Variants in DIP2C observed in about 807,000 individuals in gnomAD.
The protein encoded by DIP2C is DIP2 acetate--CoA ligase C (putative), also known as disco-interacting protein 2 homolog C.
In DIP2C, 33 loss-of-function variants were observed where a neutral mutation model predicts 192.4. That is an observed-to-expected ratio of 0.17 (90% CI 0.13 to 0.23). DIP2C has a LOEUF of 0.23. Among genes scored for constraint, DIP2C ranks in the 10% least tolerant of loss-of-function variants. DIP2C has a pLI of 1.00. For missense variants in DIP2C, 1,537 were observed against 2,110.1 expected (o/e 0.73, Z 5.32); for synonymous variants, 979 against 864.1 (o/e 1.13, Z -2.33).
At chr10:512,409 T>C (rs1408163804) in intron 1 of DIP2C, among the ~76,000 whole-genome samples, 4 of 150,954 alleles carry the variant, frequency 2.6e-5, no homozygotes, top group African/African-American at 9.7e-5. Flanking sequence ...AAATAAAAAA[T>C]AAAAATAAAA....
At chr10:624,640 G>A (rs934894011) in intron 1 of DIP2C, among the ~76,000 whole-genome samples, 3 of 152,188 alleles carry the variant, frequency 2.0e-5, no homozygotes, top group African/African-American at 4.8e-5. Flanking sequence ...AAAGTCCCAC[G>A]GAGGAGGCGA....
At chr10:352,367 G>A (rs1052158184) in intron 24 of DIP2C, among the ~76,000 whole-genome samples, 3 of 152,216 alleles carry the variant, frequency 2.0e-5, no homozygotes, top group Non-Finnish European at 4.4e-5. Flanking sequence ...TGATAACCCT[G>A]TGAAACACAA....
At chr10:654,878 C>G (rs927713281) in intron 1 of DIP2C, among the ~76,000 whole-genome samples, 1 of 152,174 alleles carries the variant, frequency 6.6e-6, no homozygotes, top group Admixed American at 6.5e-5. Flanking sequence ...CCATTCTCTA[C>G]GATACAATAT....
Position 431,251 on chromosome 10 carries a change from G to A in DIP2C, c.395-8218C>T, listed in dbSNP as rs572703305. Among the ~76,000 whole-genome samples the A allele has an allele frequency of 9.9e-5, 15 of 152,142 alleles. No homozygotes were observed. The South Asian group carries it at 1.7e-3, about 17-fold the overall frequency. ...TGTGTTGATATTGAAAAAAAAACTC[G>A]TTCGGATGTTGGTTGGGACTGCATT... is the stretch of plus-strand genomic sequence containing the variant. On this transcript the variant is annotated intron_variant, in intron 4 of 36. Coordinates refer to ENST00000280886, the MANE Select transcript of DIP2C (RefSeq NM_014974.3).
chr10:628,996 T>C (rs1278601067), intron 1 of DIP2C: 3 of 152,196 alleles, frequency 2.0e-5, no homozygotes, highest in African/African-American at 7.3e-5. Context: ...TTCTATTTGG[T>C]GGGGTTTTGG....
In DIP2C at chr10:486,483, C is replaced by T; in HGVS notation, c.133G>A (p.Gly45Arg). 1 of 1,604,010 alleles carries T rather than the reference C, an allele frequency of 6.2e-7. No homozygotes were observed. The highest frequency in any genetic ancestry group is 8.5e-7 in the Non-Finnish European group (1 of 1,175,478). ...GYEKKRSKLI[G>R]AYLPQPPRVD... ...CTCGGAGGCTGCGGAAGGTAGGCTC[C>T]AATTAACTTTGACCTCTTCTTTTCA... Residue 45 changes from glycine to arginine, a missense_variant, in exon 2 of 37, where the codon GGA becomes AGA. By Grantham distance (125) the Gly-to-Arg change is moderately radical. Transcript: ENST00000280886.
intron 1 of DIP2C, among the ~76,000 whole-genome samples, chr10:656,224 G>A (rs1161466922): frequency 6.6e-6 from 1 of 152,284 alleles, no homozygotes; most frequent in Non-Finnish European, 1.5e-5. Flanking sequence ...ACTATATAAT[G>A]TTACACTGTT....
intron 10 of DIP2C, among the ~76,000 whole-genome samples, chr10:398,100 C>T (rs1964137092): frequency 6.6e-6 from 1 of 152,190 alleles, no homozygotes; most frequent in South Asian, 2.1e-4. Context: ...TGAAATAGCC[C>T]TATAAAGCTC....
In DIP2C at chr10:295,805, G is replaced by A. The variant is rs151244119; in HGVS notation, c.3987-7384C>T. ...GGGCTGATCACAAGGTCAGGAGTTC[G>A]AGACCAGCCTGGCCTATATGGTGAA... On this transcript the variant is annotated intron_variant, in intron 32 of 36. Coordinates refer to ENST00000280886, the MANE Select transcript of DIP2C (RefSeq NM_014974.3). Among the ~76,000 whole-genome samples the A allele has an allele frequency of 3.9e-5, 6 of 152,028 alleles. No individual in the cohort carries two copies. The East Asian group carries it at 5.8e-4, about 15-fold the overall frequency.
chr10:375,070 C>G (rs1458711762), intron 17 of DIP2C, among the ~76,000 whole-genome samples: 4 of 152,294 alleles, frequency 2.6e-5, no homozygotes, highest in African/African-American at 9.6e-5. Context: ...CCTGTGTATA[C>G]AATACCACGA....
At chr10:568,888 A>G (rs1849611707) in intron 1 of DIP2C, among the ~76,000 whole-genome samples, 2 of 151,386 alleles carry the variant, frequency 1.3e-5, no homozygotes, top group Admixed American at 6.6e-5. Flanking sequence ...GCCGTTCAAG[A>G]GTAACAAAAT....
intron 1 of DIP2C, among the ~76,000 whole-genome samples, chr10:606,183 C>A (rs192568417): frequency 1.8e-3 from 267 of 152,350 alleles, no homozygotes; most frequent in African/African-American, 5.6e-3. Context: ...CCTGCATAAA[C>A]CCTGGGCTGG....
chr10:399,089 G>C lies in DIP2C; in HGVS notation c.1260+20C>G, dbSNP rs373925617. Reference sequence around the variant, plus strand: ...GCCATCTCACTCAGCGAGAAACCGAGCAAAGGGCGCATTCCTTACCTTCCT... The same window carrying C: ...GCCATCTCACTCAGCGAGAAACCGACCAAAGGGCGCATTCCTTACCTTCCT... On this transcript the variant is annotated intron_variant, in intron 10 of 36. Transcript: ENST00000280886. 1.3e-6 allele frequency: 2 copies of C among 1,595,994 alleles called. No individual in the cohort carries two copies. The highest frequency in any genetic ancestry group is 1.7e-6 in the Non-Finnish European group (2 of 1,164,302).
intron 2 of DIP2C, among the ~76,000 whole-genome samples, chr10:479,328 CTTTT>C (rs766379689): frequency 2.1e-3 from 183 of 88,412 alleles, no homozygotes; most frequent in South Asian, 0.01. Flanking sequence ...TCTCACACTG[CTTTT>C]TTTTTTTTTT....
At chr10:392,463 G>T (rs537166399) in intron 10 of DIP2C, among the ~76,000 whole-genome samples, 8 of 152,338 alleles carry the variant, frequency 5.3e-5, no homozygotes, top group African/African-American at 1.9e-4. Context: ...CAAAAAATAA[G>T]GAAGAGACTG....
chr10:607,111 T>TG (rs568078168), intron 1 of DIP2C, among the ~76,000 whole-genome samples: 1 of 152,310 alleles, frequency 6.6e-6, no homozygotes, highest in African/African-American at 2.4e-5. Flanking sequence ...CTCACCTCGG[T>TG]GGGGCTCTCC....
At position 434,842 on chromosome 10, in the gene DIP2C, T is replaced by G. The variant is rs115821121; in HGVS notation, c.394+6029A>C. Among the ~76,000 whole-genome samples the G allele has an allele frequency of 6.1e-3, 936 of 152,346 alleles. 12 individuals carry two copies. The highest frequency in any genetic ancestry group is 0.022 in the African/African-American group (904 of 41,576). ...TTTGAGGGGAAGTTGAATAGAATTC[T>G]TATCTTTGATCCTCTATAGGGAAGG... On this transcript the variant is annotated intron_variant, in intron 4 of 36. Coordinates refer to ENST00000280886, the MANE Select transcript of DIP2C (RefSeq NM_014974.3).
At chr10:407,170 C>T (rs1386115060) in intron 9 of DIP2C, among the ~76,000 whole-genome samples, 5 of 152,216 alleles carry the variant, frequency 3.3e-5, no homozygotes, top group East Asian at 1.9e-4. Flanking sequence ...TCGGCTCTGG[C>T]CAGGCAGCGG....
At chr10:303,070 A>C (rs1056079360) in intron 32 of DIP2C, among the ~76,000 whole-genome samples, 3 of 152,214 alleles carry the variant, frequency 2.0e-5, no homozygotes, top group Non-Finnish European at 4.4e-5. Context: ...ATTTGTAAAC[A>C]CCGTACTTGT....
Sources: gnomAD v4.1 joint callset for allele counts (sites outside exome capture counted in the v4.1 genomes callset) on GRCh38, gnomAD v4.1.1 for gene constraint, MANE v1.5 for transcripts, NCBI Gene and HGNC (gene_info 2026-07-23, HGNC 2026-07-21) for gene names.